The following ADCY10 variants were observed in gnomAD, a reference collection of about 807,000 sequenced individuals.
ADCY10 encodes the protein adenylate cyclase type 10.
ADCY10 carries 156 observed loss-of-function variants against 183.3 expected under a neutral mutation model. The observed-to-expected ratio is 0.85, with a 90% CI of 0.75 to 0.97. ADCY10 has a LOEUF of 0.97. Among genes scored for constraint, ADCY10 ranks in the 50% least tolerant of loss-of-function variants. The probability of loss-of-function intolerance (pLI) is 0.00; values close to 1 mark genes in which losing one functional copy is unlikely to be tolerated. For synonymous variants in ADCY10, 645 were observed against 670.0 expected (o/e 0.96, Z 0.58); for missense variants, 1,745 against 1,934.3 (o/e 0.90, Z 1.84).
chr1:167,812,385 AGTGACT>A (rs1245898904), intron 31 of ADCY10, among the ~76,000 whole-genome samples: 1 of 152,222 alleles, frequency 6.6e-6, no homozygotes, highest in Non-Finnish European at 1.5e-5. Flanking sequence ...AAAATTAGAA[AGTGACT>A]GTGCATGCCT....
chr1:167,813,515 G>GAAAGA (rs779284686), intron 31 of ADCY10, among the ~76,000 whole-genome samples: 2 of 151,758 alleles, frequency 1.3e-5, no homozygotes, highest in African/African-American at 2.4e-5. Flanking sequence ...TTAAAAAAAA[G>GAAAGA]AAAGAAAAGA....
At chr1:167,833,247 G>A (rs1020075129) in intron 24 of ADCY10, 85 bp from the exon 25 acceptor site, 64 of 1,326,354 alleles carry the variant, frequency 4.8e-5, no homozygotes, top group Admixed American at 2.9e-4. Flanking sequence ...CCATATTTTG[G>A]GGATTCTTAT....
chr1:167,818,876 C>T (rs767305806), intron 30 of ADCY10, among the ~76,000 whole-genome samples: 28 of 152,160 alleles, frequency 1.8e-4, no homozygotes, highest in Non-Finnish European at 1.5e-4. Context: ...GGAGATCAGA[C>T]ACTTGGAGCT....
intron 32 of ADCY10, among the ~76,000 whole-genome samples, chr1:167,810,436 A>C (rs1571193656): frequency 6.6e-6 from 1 of 152,304 alleles, no homozygotes; most frequent in East Asian, 1.9e-4. Flanking sequence ...GCCCTCATAA[A>C]AGGGCTGGAG....
intron 1 of ADCY10, among the ~76,000 whole-genome samples, chr1:167,911,280 A>C (rs203781): frequency 0.46 from 69,365 of 152,088 alleles, 18,044 homozygotes; most frequent in African/African-American, 0.71. Context: ...ATAGTAACTT[A>C]TCTTAAAAGC....
intron 14 of ADCY10, among the ~76,000 whole-genome samples, chr1:167,868,060 TACCTTAGTA>T (rs1666829557): frequency 6.6e-6 from 1 of 152,110 alleles, no homozygotes; most frequent in Non-Finnish European, 1.5e-5. Context: ...CTAGAGTAAA[TACCTTAGTA>T]AAAGAGGAGG....
At chr1:167,833,744 C>CAAAA (rs539820019) in intron 24 of ADCY10, among the ~76,000 whole-genome samples, 1 of 98,434 alleles carries the variant, frequency 1.0e-5, no homozygotes, top group Admixed American at 1.0e-4. Flanking sequence ...GACTCCCTCT[C>CAAAA]AAAAAAAAAA....
At chr1:167,833,472 A>G (rs1353671019) in intron 24 of ADCY10, among the ~76,000 whole-genome samples, 3 of 152,196 alleles carry the variant, frequency 2.0e-5, no homozygotes, top group South Asian at 2.1e-4. Context: ...TGGGCCGGGC[A>G]CGGTGGCTAA....
intron 16 of ADCY10, among the ~76,000 whole-genome samples, chr1:167,857,058 A>G (rs1277243665): frequency 6.6e-6 from 1 of 152,212 alleles, no homozygotes; most frequent in African/African-American, 2.4e-5. Context: ...TTGTGCATCT[A>G]TCAGGGTCAG....
intron 21 of ADCY10, among the ~76,000 whole-genome samples, chr1:167,842,988 TA>T (rs1348424402): frequency 6.6e-6 from 1 of 152,184 alleles, no homozygotes; most frequent in Admixed American, 6.5e-5. Context: ...ATACGACATT[TA>T]GGGAATTTAC....
intron 16 of ADCY10, among the ~76,000 whole-genome samples, chr1:167,858,055 T>C (rs911232063): frequency 6.6e-6 from 1 of 152,216 alleles, no homozygotes; most frequent in Non-Finnish European, 1.5e-5. Flanking sequence ...ACTGATATTG[T>C]CTTGCCTATG....
chr1:167,856,284 C>T lies in ADCY10; in HGVS notation c.2052G>A (p.Arg684=), dbSNP rs779751882. Residue 684 remains arginine, a synonymous_variant, in exon 17 of 33, where the codon AGG becomes AGA. Transcript: ENST00000367851. ...TGGTGTTCCTGTTCTTTATTACGGC[C>T]CTGGCAGCTGCACAGGGAATGTTAA... ...PFVNIPCAAA[R]AVIKNRNTTY... The T allele has an allele frequency of 6.2e-7, 1 of 1,613,770 alleles. No homozygotes were observed. Among genetic ancestry groups the T allele is most frequent in the African/African-American group, 1.3e-5 (1 of 74,962 alleles).
In ADCY10 at chr1:167,828,961, C is replaced by CAAA. The variant is rs553643358; in HGVS notation, c.3750+303_3750+305dup. 3.6e-3 allele frequency among the ~76,000 whole-genome samples: 546 copies of CAAA among 151,536 alleles called. 4 individuals carry two copies. Among genetic ancestry groups the CAAA allele is most frequent in the African/African-American group, 0.012 (516 of 41,302 alleles). On this transcript the variant is annotated intron_variant, in intron 26 of 32. Coordinates refer to ENST00000367851, the MANE Select transcript of ADCY10 (RefSeq NM_018417.6). ...TGGGTGACAGAGCAAGACTCCATCT[C>CAAA]AAAAAAAACCAGCAAAAATAATAAT...
intron 13 of ADCY10, among the ~76,000 whole-genome samples, chr1:167,872,952 C>A (rs1667207836): frequency 6.6e-6 from 1 of 151,794 alleles, no homozygotes; most frequent in Non-Finnish European, 1.5e-5. Flanking sequence ...CACCTGTAAT[C>A]CCAGCTACTT....
At chr1:167,876,088 C>T (rs1368435723) in intron 12 of ADCY10, among the ~76,000 whole-genome samples, 1 of 151,964 alleles carries the variant, frequency 6.6e-6, no homozygotes, top group African/African-American at 2.4e-5. Flanking sequence ...GAAAACCTGT[C>T]TCTACTAAAA....
chr1:167,887,935 G>T (rs2102310645), intron 8 of ADCY10, among the ~76,000 whole-genome samples: 1 of 151,986 alleles, frequency 6.6e-6, no homozygotes, highest in African/African-American at 2.4e-5. Context: ...ATGTCTCAAA[G>T]TCCATTTTGA....
rs566922828 is a variant in ADCY10, at chr1:167,839,962, A to G, written c.3008-2644T>C. Among the ~76,000 whole-genome samples, 13 of 152,044 alleles carry G rather than the reference A, an allele frequency of 8.6e-5. No individual in the cohort carries two copies. In the South Asian group the frequency reaches 2.3e-3, roughly 27 times the overall value. On this transcript the variant is annotated intron_variant, in intron 21 of 32. Coordinates refer to ENST00000367851, the MANE Select transcript of ADCY10 (RefSeq NM_018417.6). ...TGGCCAGGCACAGTGGCTCATCCCT[A>G]TAATCCCAACACTTTGGGAGGCTGA...
At chr1:167,881,164 G>T (rs546476399) in intron 9 of ADCY10, among the ~76,000 whole-genome samples, 46 of 152,286 alleles carry the variant, frequency 3.0e-4, no homozygotes, top group African/African-American at 1.1e-3. Flanking sequence ...TGCAGATACT[G>T]TTATTCTTAG....
chr1:167,835,099 T>C (rs1011015376), intron 23 of ADCY10, among the ~76,000 whole-genome samples: 2 of 152,214 alleles, frequency 1.3e-5, no homozygotes, highest in Admixed American at 1.3e-4. Flanking sequence ...CAGTAGCAAC[T>C]GTAAATTATG....
Sources: gnomAD v4.1 joint callset for allele counts (sites outside exome capture counted in the v4.1 genomes callset) on GRCh38, gnomAD v4.1.1 for gene constraint, MANE v1.5 for transcripts, NCBI Gene and HGNC (gene_info 2026-07-23, HGNC 2026-07-21) for gene names.